The following KCNH7 variants were observed in gnomAD, a reference collection of about 807,000 sequenced individuals.
The protein encoded by KCNH7 is voltage-gated inwardly rectifying potassium channel KCNH7.
In KCNH7, 49 loss-of-function variants were observed where a neutral mutation model predicts 120.8. The ratio of observed to expected loss-of-function variants is 0.41; its 90% CI spans 0.32 to 0.51. The LOEUF is 0.51. KCNH7 is among the 20% of genes least tolerant of loss of function. The probability of loss-of-function intolerance (pLI) is 0.38; values close to 1 mark genes in which losing one functional copy is unlikely to be tolerated. For synonymous variants in KCNH7, 547 were observed against 516.1 expected, an observed-to-expected ratio of 1.06 and a Z score of -0.81; for missense variants, 1,097 against 1,446.6, an observed-to-expected ratio of 0.76 and a Z score of 3.92.
intron 2 of KCNH7, among the ~76,000 whole-genome samples, chr2:162,626,670 C>T (rs896084525): frequency 6.6e-6 from 1 of 152,078 alleles, no homozygotes; most frequent in Admixed American, 6.6e-5. Flanking sequence ...GGAATAGGTG[C>T]TATCACTGCA....
intron 6 of KCNH7, among the ~76,000 whole-genome samples, chr2:162,455,865 T>C (rs1688944328): frequency 6.6e-6 from 1 of 152,246 alleles, no homozygotes; most frequent in Middle Eastern, 3.4e-3. Context: ...CTATCTATTT[T>C]GTTAATCCTT....
intron 9 of KCNH7, among the ~76,000 whole-genome samples, chr2:162,418,887 GGGT>G (rs930045038): frequency 4.6e-5 from 7 of 151,970 alleles, no homozygotes; most frequent in African/African-American, 1.7e-4. Context: ...TTTGTTCATA[GGGT>G]CCATTACAGG....
chr2:162,481,791 A>C (rs550098382), intron 6 of KCNH7, among the ~76,000 whole-genome samples: 1 of 152,318 alleles, frequency 6.6e-6, no homozygotes, highest in South Asian at 2.1e-4. Context: ...TGCATGCATT[A>C]AATAAAATGT....
intron 2 of KCNH7, among the ~76,000 whole-genome samples, chr2:162,557,647 A>T (rs1416559090): frequency 6.6e-6 from 1 of 152,202 alleles, no homozygotes; most frequent in Admixed American, 6.5e-5. Flanking sequence ...TAACAGGGAA[A>T]GGCTAAATTT....
intron 6 of KCNH7, among the ~76,000 whole-genome samples, chr2:162,495,559 C>T (rs1329410105): frequency 6.6e-6 from 1 of 152,108 alleles, no homozygotes; most frequent in Non-Finnish European, 1.5e-5. Context: ...AAGTATAAGA[C>T]TTAAGTTTAT....
chr2:162,488,186 C>T (rs548313096), intron 6 of KCNH7, among the ~76,000 whole-genome samples: 11 of 152,176 alleles, frequency 7.2e-5, no homozygotes, highest in Non-Finnish European at 1.6e-4. Flanking sequence ...GTCTTAGTTG[C>T]CAAAGCAACC....
chr2:162,607,243 A>T (rs1375211378), intron 2 of KCNH7, among the ~76,000 whole-genome samples: 3 of 138,110 alleles, frequency 2.2e-5, no homozygotes, highest in Non-Finnish European at 3.1e-5. Flanking sequence ...AAAAAAAAAT[A>T]GCCGAGCATG....
At chr2:162,667,902 C>CAGTGAGT (rs1685200544) in intron 2 of KCNH7, among the ~76,000 whole-genome samples, 1 of 152,138 alleles carries the variant, frequency 6.6e-6, no homozygotes, top group Admixed American at 6.5e-5. Context: ...ATGCTTAAAA[C>CAGTGAGT]AGTGAGTAGA....
intron 3 of KCNH7, 91 bp from the exon 4 acceptor site, chr2:162,518,249 A>G (rs1056650866): frequency 1.1e-6 from 1 of 935,606 alleles, no homozygotes; most frequent in Non-Finnish European, 1.6e-6. Context: ...TTTAAACACC[A>G]TGTAAAAATA....
At position 162,836,751 on chromosome 2, in the gene KCNH7, A is replaced by T. The variant is rs764126052; in HGVS notation, c.93T>A (p.Ile31=). ...KFEGQNKKFI[I]ANARVQNCAI... Reference sequence around the variant, plus strand: ...CACAGTTCTGCACTCTGGCATTTGCAATGATAAATTTTTTATCTGTAATAA... The same window carrying T: ...CACAGTTCTGCACTCTGGCATTTGCTATGATAAATTTTTTATCTGTAATAA... Residue 31 remains isoleucine, a synonymous_variant, in exon 2 of 16, where the codon ATT becomes ATA. Coordinates refer to ENST00000332142, the MANE Select transcript of KCNH7 (RefSeq NM_033272.4). 1.9e-6 allele frequency: 3 copies of T among 1,613,560 alleles called. No individual in the cohort carries two copies. The highest frequency in any genetic ancestry group is 2.5e-6 in the Non-Finnish European group (3 of 1,179,516).
At chr2:162,799,225 A>G (rs1199684593) in intron 2 of KCNH7, among the ~76,000 whole-genome samples, 5 of 152,042 alleles carry the variant, frequency 3.3e-5, no homozygotes, top group African/African-American at 4.8e-5. Flanking sequence ...AATCTGTGAA[A>G]AAATTCAATG....
chr2:162,580,131 A>T (rs576656262), intron 2 of KCNH7, among the ~76,000 whole-genome samples: 1 of 152,178 alleles, frequency 6.6e-6, no homozygotes, highest in African/African-American at 2.4e-5. Context: ...TGCTAAAGGC[A>T]TCATAGCTCA....
At chr2:162,671,483 C>T (rs1404249301) in intron 2 of KCNH7, among the ~76,000 whole-genome samples, 1 of 151,250 alleles carries the variant, frequency 6.6e-6, no homozygotes, top group African/African-American at 2.4e-5. Flanking sequence ...GCTGCATGTT[C>T]TTATTTGTGA....
At chr2:162,423,303 G>A (rs200677475) in intron 9 of KCNH7, 33 bp downstream of exon 9, 4 of 1,613,896 alleles carry the variant, frequency 2.5e-6, no homozygotes, top group East Asian at 4.5e-5. Context: ...TAATGCCTGC[G>A]GCACTTTCAT....
At chr2:162,602,114 A>T (rs902464765) in intron 2 of KCNH7, among the ~76,000 whole-genome samples, 8 of 152,082 alleles carry the variant, frequency 5.3e-5, no homozygotes, top group African/African-American at 1.9e-4. Context: ...ATAAAATGCA[A>T]TTTCATTCTG....
intron 2 of KCNH7, among the ~76,000 whole-genome samples, chr2:162,560,794 A>G (rs1210416744): frequency 3.9e-5 from 6 of 152,348 alleles, no homozygotes; most frequent in Admixed American, 2.0e-4. Flanking sequence ...ATATAGTTTT[A>G]TTACTACAAA....
At chr2:162,385,128 C>G (rs951732256) in intron 12 of KCNH7, among the ~76,000 whole-genome samples, 189 bp from the exon 13 acceptor site, 7 of 151,680 alleles carry the variant, frequency 4.6e-5, no homozygotes, top group Non-Finnish European at 1.5e-5. Flanking sequence ...TTATTCATTT[C>G]AAAATTAAAA....
At chr2:162,449,460 G>C (rs1032285164) in intron 6 of KCNH7, among the ~76,000 whole-genome samples, 1 of 152,014 alleles carries the variant, frequency 6.6e-6, no homozygotes, top group African/African-American at 2.4e-5. Context: ...CAGTACCTAT[G>C]AATGTGACTT....
chr2:162,413,574 C>T (rs924692984), intron 9 of KCNH7, among the ~76,000 whole-genome samples: 1 of 151,926 alleles, frequency 6.6e-6, no homozygotes. Context: ...TAAATTCTAC[C>T]ACGACTATTT....
Sources: gnomAD v4.1 joint callset for allele counts (sites outside exome capture counted in the v4.1 genomes callset) on GRCh38, gnomAD v4.1.1 for gene constraint, MANE v1.5 for transcripts, NCBI Gene and HGNC (gene_info 2026-07-23, HGNC 2026-07-21) for gene names.